Variants in SUPV3L1 observed in about 807,000 individuals in gnomAD.
SUPV3L1 encodes the protein Suv3 like RNA helicase.
A neutral mutation model predicts 70.0 loss-of-function variants in SUPV3L1; 35 were observed. The observed-to-expected ratio is 0.50, with a 90% CI of 0.38 to 0.66. The LOEUF (loss-of-function observed/expected upper bound fraction) is 0.66. Among genes scored for constraint, SUPV3L1 ranks in the 30% least tolerant of loss-of-function variants. The probability of loss-of-function intolerance (pLI) is 0.00; values close to 1 mark genes in which losing one functional copy is unlikely to be tolerated. For missense variants in SUPV3L1, 777 were observed against 961.5 expected (o/e 0.81, Z 2.54); for synonymous variants, 364 against 341.9 (o/e 1.06, Z -0.71).
intron 6 of SUPV3L1, among the ~76,000 whole-genome samples, chr10:69,193,643 C>T (rs1037135078): frequency 1.3e-5 from 2 of 152,094 alleles, no homozygotes; most frequent in African/African-American, 4.8e-5. Context: ...CTCCCGGGCT[C>T]AAGCAGTCCG....
At chr10:69,186,792 TA>T (rs1275860337) in intron 3 of SUPV3L1, among the ~76,000 whole-genome samples, 3 of 152,112 alleles carry the variant, frequency 2.0e-5, no homozygotes, top group Admixed American at 2.0e-4. Context: ...CCCAGTGAAA[TA>T]AGCTCTCACA....
At chr10:69,196,920 T>G (rs569152592) in intron 7 of SUPV3L1, 72 bp from the exon 8 acceptor site, 1 of 1,313,214 alleles carries the variant, frequency 7.6e-7, no homozygotes, top group Non-Finnish European at 1.1e-6. Context: ...CGTAAAGTAC[T>G]TTGGCTATGT....
intron 4 of SUPV3L1, among the ~76,000 whole-genome samples, chr10:69,188,363 C>T (rs753415107): frequency 6.6e-6 from 1 of 152,298 alleles, no homozygotes; most frequent in Middle Eastern, 3.4e-3. Context: ...TTGGGTTCCA[C>T]CTCCCTATGC....
rs140954030 is a variant in SUPV3L1, at chr10:69,180,309, C to G, written c.18C>G (p.Ala6=). The G allele has an allele frequency of 3.2e-5, 52 of 1,613,714 alleles. No homozygotes were observed. The highest frequency in any genetic ancestry group is 6.7e-5 in the African/African-American group (5 of 74,940). MSFSR[A]LLWARLPAGR... The stretch of plus-strand genomic sequence containing the variant: ...CGGCCTCGATGTCCTTCTCCCGTGC[C>G]CTATTGTGGGCTCGGCTCCCGGCGG... Residue 6 remains alanine (A), a synonymous_variant, in exon 1 of 15, where the codon GCC becomes GCG. Coordinates refer to ENST00000359655, the MANE Select transcript of SUPV3L1 (RefSeq NM_003171.5).
chr10:69,204,705 G>A (rs542704891), intron 13 of SUPV3L1, among the ~76,000 whole-genome samples: 1 of 151,904 alleles, frequency 6.6e-6, no homozygotes, highest in African/African-American at 2.4e-5. Context: ...TTTTCATTGC[G>A]TTTGCCTATG....
At chr10:69,187,321 CT>C (rs200287859) in intron 3 of SUPV3L1, 15 of 83,812 alleles carry the variant, frequency 1.8e-4, no homozygotes, top group Middle Eastern at 8.8e-3. Flanking sequence ...GACTTTTCTA[CT>C]TTTTTTTTTC....
At chr10:69,201,059 G>C (rs1409288078) in intron 11 of SUPV3L1, among the ~76,000 whole-genome samples, 1 of 152,182 alleles carries the variant, frequency 6.6e-6, no homozygotes, top group African/African-American at 2.4e-5. Flanking sequence ...TGTGACACTA[G>C]ATGAAGGGGA....
intron 14 of SUPV3L1, 43 bp from the exon 15 acceptor site, chr10:69,208,557 C>A: frequency 6.4e-7 from 1 of 1,565,346 alleles, no homozygotes; most frequent in Non-Finnish European, 8.7e-7. Context: ...CCAGTGACTG[C>A]GATAAGAGCT....
Position 69,207,843 on chromosome 10 carries a change from C to T in SUPV3L1, c.1827C>T (p.Arg609=), listed in dbSNP as rs200128288. ...RNEPLTFAWL[R]RYIKWPLLPP... ...AGCCCCTGACCTTTGCATGGTTACG[C>T]CGATACATCAAATGGCCTTTACTTC... is the stretch of plus-strand genomic sequence containing the variant. The change falls in exon 14 of 15, where the codon CGC becomes CGT. Residue 609 remains arginine (R), a synonymous_variant. Transcript: ENST00000359655. 1.5e-4 allele frequency: 249 copies of T among 1,613,950 alleles called. No individual in the cohort carries two copies. Among genetic ancestry groups the T allele is most frequent in the Admixed American group, 5.2e-4 (31 of 59,984 alleles).
rs1336437835 is a variant in SUPV3L1, at chr10:69,208,802, A to T, written c.2128A>T (p.Thr710Ser). 1 of 1,614,216 alleles carries T rather than the reference A, an allele frequency of 6.2e-7. No homozygotes were observed. The highest frequency in any genetic ancestry group is 8.5e-7 in the Non-Finnish European group (1 of 1,180,042). ...SGTLKSQARRTRGTKALGSKA... is the reference protein window; with the variant it reads ...SGTLKSQARRSRGTKALGSKA... Reference sequence around the variant, plus strand: ...AACCTTAAAGAGCCAAGCTAGAAGGACACGCGGCACCAAAGCTCTAGGGAG... The same window carrying T: ...AACCTTAAAGAGCCAAGCTAGAAGGTCACGCGGCACCAAAGCTCTAGGGAG... Residue 710 changes from threonine to serine, a missense_variant, in exon 15 of 15, where the codon ACA (threonine) becomes TCA (serine). Transcript: ENST00000359655.
At chr10:69,208,536 T>C (rs1343257959) in intron 14 of SUPV3L1, 64 bp from the exon 15 acceptor site, 5 of 1,494,998 alleles carry the variant, frequency 3.3e-6, no homozygotes, top group Non-Finnish European at 4.6e-6. Context: ...AGGTGTGCCA[T>C]TGAGAGTTGT....
chr10:69,186,720 T>C (rs1842242892), intron 3 of SUPV3L1, among the ~76,000 whole-genome samples, 170 bp downstream of exon 3: 1 of 152,204 alleles, frequency 6.6e-6, no homozygotes, highest in Admixed American at 6.5e-5. Context: ...TTTGCTTTTA[T>C]ATTGGGTCCC....
chr10:69,194,318 G>A lies in SUPV3L1; in HGVS notation c.854-870G>A, dbSNP rs141638133. Among the ~76,000 whole-genome samples the A allele has an allele frequency of 1.6e-3, 242 of 151,820 alleles. 1 individual carries two copies. Among genetic ancestry groups the A allele is most frequent in the African/African-American group, 5.3e-3 (220 of 41,410 alleles). On this transcript the variant is annotated intron_variant, in intron 6 of 14. Transcript: ENST00000359655. ...GGCCAGGAGTTCGAGACCAGCCTGAGTAACATAGCAAGACCCTCATCTCTA... is the reference window on the plus strand; with the variant it reads ...GGCCAGGAGTTCGAGACCAGCCTGAATAACATAGCAAGACCCTCATCTCTA...
intron 10 of SUPV3L1, among the ~76,000 whole-genome samples, chr10:69,199,648 G>A (rs1842633346): frequency 6.6e-6 from 1 of 151,900 alleles, no homozygotes; most frequent in African/African-American, 2.4e-5. Flanking sequence ...CTCCCAAAGT[G>A]CTAGGATTAC....
At chr10:69,180,650 G>T in intron 1 of SUPV3L1, 88 bp downstream of exon 1, 2 of 1,531,320 alleles carry the variant, frequency 1.3e-6, no homozygotes, top group South Asian at 2.4e-5. Flanking sequence ...CTTCCCCTGG[G>T]GATCCGAGGT....
At chr10:69,192,230 C>G (rs1842417776) in intron 6 of SUPV3L1, 1 of 152,872 alleles carries the variant, frequency 6.5e-6, no homozygotes, top group Non-Finnish European at 1.5e-5. Flanking sequence ...CCTGCCACCA[C>G]TGACAAATGC....
chr10:69,180,453 T>C lies in SUPV3L1; in HGVS notation c.162T>C (p.Gly54=). 1.2e-6 allele frequency: 2 copies of C among 1,614,214 alleles called. No homozygotes were observed. The highest frequency in any genetic ancestry group is 1.7e-6 in the Non-Finnish European group (2 of 1,180,034). Residue 54 remains glycine (G), a synonymous_variant, in exon 1 of 15, where the codon GGT becomes GGC. Coordinates refer to ENST00000359655, the MANE Select transcript of SUPV3L1 (RefSeq NM_003171.5). The stretch of plus-strand genomic sequence containing the variant: ...CCACCGCCTCCTCCTCTGCCTCCGG[T>C]GGCTCCAAAATACCAAACACGTCCT... ...VLATASSSAS[G]GSKIPNTSLF... is the part of the protein sequence containing the mutation.
intron 1 of SUPV3L1, among the ~76,000 whole-genome samples, chr10:69,183,357 A>G (rs1472512548): frequency 3.9e-5 from 6 of 152,124 alleles, no homozygotes; most frequent in African/African-American, 2.4e-5. Flanking sequence ...CCTTCATTCT[A>G]TTCTCTACCT....
chr10:69,180,348 C>T lies in SUPV3L1; in HGVS notation c.57C>T (p.Gly19=), dbSNP rs1339301271. 1 of 1,614,134 alleles carries T rather than the reference C, an allele frequency of 6.2e-7. No individual in the cohort carries two copies. Among genetic ancestry groups the T allele is most frequent in the South Asian group, 1.1e-5 (1 of 91,086 alleles). ...WARLPAGRQA[G]HRAAICSALR... ...GGCTCCCGGCGGGGCGCCAGGCTGG[C>T]CACCGGGCAGCCATCTGCTCTGCCC... The change falls in exon 1 of 15, where the codon GGC becomes GGT. Residue 19 remains glycine (G), a synonymous_variant. Transcript: ENST00000359655.
Sources: gnomAD v4.1 joint callset for allele counts (sites outside exome capture counted in the v4.1 genomes callset) on GRCh38, gnomAD v4.1.1 for gene constraint, MANE v1.5 for transcripts, NCBI Gene and HGNC (gene_info 2026-07-23, HGNC 2026-07-21) for gene names.